Variants in BHMT observed in about 807,000 individuals in gnomAD.
The protein encoded by BHMT is betaine--homocysteine S-methyltransferase.
In BHMT, 38 loss-of-function variants were observed where a neutral mutation model predicts 49.5. That is an observed-to-expected ratio of 0.77 (90% CI 0.59 to 1.01). The LOEUF is 1.01. Ranked by LOEUF, BHMT falls within the 50% of genes least tolerant of loss-of-function variation. BHMT has a pLI of 0.00. For missense variants in BHMT, 426 were observed against 495.7 expected (o/e 0.86, Z 1.34); for synonymous variants, 166 against 176.3 (o/e 0.94, Z 0.46).
intron 5 of BHMT, 99 bp downstream of exon 5, chr5:79,121,464 T>A (rs1756471838): frequency 7.3e-7 from 1 of 1,379,020 alleles, no homozygotes; most frequent in African/African-American, 1.5e-5. Context: ...TTCGTTAACA[T>A]AAAAACCATT....
intron 1 of BHMT, among the ~76,000 whole-genome samples, chr5:79,113,230 A>C (rs35815247): frequency 3.0e-4 from 46 of 152,362 alleles, no homozygotes; most frequent in African/African-American, 1.1e-3. Context: ...AAGGAGGGTG[A>C]GAATTTCGCC....
intron 7 of BHMT, 24 bp from the exon 8 acceptor site, chr5:79,130,909 G>T: frequency 6.4e-7 from 1 of 1,569,792 alleles, no homozygotes; most frequent in Non-Finnish European, 8.6e-7. Flanking sequence ...CTGTTGTCTG[G>T]TGTCATGTGT....
chr5:79,127,643 T>G lies in BHMT; in HGVS notation c.809-112T>G, dbSNP rs527447164. ...CAAAGTTTTTTCTTAAATGTAAAAA[T>G]TGAATATTGAAAACAATTCATTTAT... On this transcript the variant is annotated intron_variant, in intron 6 of 7. Coordinates refer to ENST00000274353, the MANE Select transcript of BHMT (RefSeq NM_001713.3). The G allele has an allele frequency of 1.5e-5, 21 of 1,363,002 alleles. No homozygotes were observed. The South Asian group carries it at 3.0e-4, about 20-fold the overall frequency. The allele number at this position is 1,363,002 out of a possible 1,614,324, so 84.4% of individuals were successfully genotyped here. A position where few individuals can be genotyped will look rare whatever the true frequency, so the allele number is the denominator to read the frequency against.
chr5:79,124,555 C>G (rs1756519870), intron 5 of BHMT, among the ~76,000 whole-genome samples: 1 of 151,964 alleles, frequency 6.6e-6, no homozygotes, highest in Non-Finnish European at 1.5e-5. Flanking sequence ...AATGCCTTCT[C>G]AAATCTTCTG....
At chr5:79,128,996 A>G (rs780043971) in intron 7 of BHMT, among the ~76,000 whole-genome samples, 1 of 152,212 alleles carries the variant, frequency 6.6e-6, no homozygotes, top group Non-Finnish European at 1.5e-5. Flanking sequence ...TAACAGAAAG[A>G]TATTTTAAAA....
chr5:79,122,431 C>T (rs1248256917), intron 5 of BHMT, among the ~76,000 whole-genome samples: 1 of 152,116 alleles, frequency 6.6e-6, no homozygotes, highest in Admixed American at 6.5e-5. Flanking sequence ...GGAACAATGT[C>T]CTTTATTTCT....
intron 1 of BHMT, among the ~76,000 whole-genome samples, chr5:79,115,059 G>A (rs902254479): frequency 1.3e-5 from 2 of 152,132 alleles, no homozygotes; most frequent in Non-Finnish European, 2.9e-5. Flanking sequence ...TACAGCATGT[G>A]CACACTCATA....
chr5:79,126,561 C>T (rs1295572847), intron 6 of BHMT, among the ~76,000 whole-genome samples: 1 of 152,136 alleles, frequency 6.6e-6, no homozygotes, highest in Non-Finnish European at 1.5e-5. Context: ...AGTTCTAGTT[C>T]CAGCTCTGTT....
intron 1 of BHMT, among the ~76,000 whole-genome samples, chr5:79,115,174 G>A (rs1756367297): frequency 6.6e-6 from 1 of 151,964 alleles, no homozygotes; most frequent in Non-Finnish European, 1.5e-5. Flanking sequence ...AAATAAAATG[G>A]CTTAATAGCA....
rs1402590715 is a variant in BHMT at position 79,131,372 on chromosome 5, T to C, written c.*256T>C. The C allele has an allele frequency of 2.6e-6, 1 of 380,890 alleles. No homozygotes were observed. Among genetic ancestry groups the C allele is most frequent in the Non-Finnish European group, 4.7e-6 (1 of 212,202 alleles). The allele number at this position is 380,890 out of a possible 1,614,324, so 23.6% of individuals were successfully genotyped here. On this transcript the variant is annotated 3_prime_UTR_variant, in exon 8 of 8. Transcript: ENST00000274353. ...AGCACCCACCCTGTGAAAAGTATTA[T>C]GGAAATCACTGCTGCACAGGAAAAG...
intron 1 of BHMT, 111 bp from the exon 2 acceptor site, chr5:79,115,656 A>C (rs947784635): frequency 7.8e-7 from 1 of 1,275,172 alleles, no homozygotes; most frequent in African/African-American, 1.5e-5. Context: ...TTTCTCTGAA[A>C]ATTCTAAAAT....
At chr5:79,130,800 T>C in intron 7 of BHMT, 133 bp from the exon 8 acceptor site, 1 of 789,568 alleles carries the variant, frequency 1.3e-6, no homozygotes, top group Non-Finnish European at 1.7e-6. Context: ...TGCTTTTTAA[T>C]GTCTGATAGG....
intron 5 of BHMT, among the ~76,000 whole-genome samples, chr5:79,121,893 A>C (rs143477311): frequency 6.6e-6 from 1 of 151,976 alleles, no homozygotes; most frequent in Non-Finnish European, 1.5e-5. Context: ...TCTGTGGTTA[A>C]ATACATTTAG....
At chr5:79,120,797 A>G (rs1045808317) in intron 4 of BHMT, among the ~76,000 whole-genome samples, 6 of 152,238 alleles carry the variant, frequency 3.9e-5, no homozygotes, top group Admixed American at 6.5e-5. Context: ...CTAATGGGTC[A>G]CAATTCAAAG....
intron 2 of BHMT, chr5:79,116,328 A>G (rs1756386332): frequency 6.5e-6 from 1 of 152,852 alleles, no homozygotes; most frequent in Non-Finnish European, 1.5e-5. Context: ...TGGTTATGCT[A>G]CAGGCCCACA....
In BHMT at chr5:79,127,827, G is replaced by A; in HGVS notation, c.881G>A (p.Arg294Lys). The change falls in exon 7 of 8, where the codon AGG becomes AAG. Residue 294 changes from arginine (R) to lysine (K), a missense_variant. By Grantham distance (26) the Arg-to-Lys change is conservative. Transcript: ENST00000274353. Reference protein sequence around the residue: ...YAREAYNLGVRYIGGCCGFEP... With the variant: ...YAREAYNLGVKYIGGCCGFEP... ...AGAGAGGCCTACAACCTGGGGGTCA[G>A]GTACATTGGCGGGTGCTGTGGATTT... is the stretch of plus-strand genomic sequence containing the variant. 6.2e-7 allele frequency: 1 copy of A among 1,614,204 alleles called. No homozygotes were observed. Among genetic ancestry groups the A allele is most frequent in the Non-Finnish European group, 8.5e-7 (1 of 1,180,034 alleles).
chr5:79,121,150 C>CAAAAA (rs112263466), intron 4 of BHMT, 68 bp from the exon 5 acceptor site: 11 of 1,358,664 alleles, frequency 8.1e-6, no homozygotes, highest in Admixed American at 6.6e-5. Flanking sequence ...AACTCCGTCT[C>CAAAAA]AAAAAAAAAA....
At chr5:79,116,142 A>C (rs1283878727) in intron 2 of BHMT, 1 of 325,634 alleles carries the variant, frequency 3.1e-6, no homozygotes, top group Non-Finnish European at 5.5e-6. Context: ...CGCTTGAGCT[A>C]TTTTATGCAA....
At chr5:79,123,282 G>A (rs1756500305) in intron 5 of BHMT, among the ~76,000 whole-genome samples, 1 of 152,098 alleles carries the variant, frequency 6.6e-6, no homozygotes, top group Non-Finnish European at 1.5e-5. Context: ...AGGCCTACTT[G>A]GAACAAGAAT....
Sources: gnomAD v4.1 joint callset for allele counts (sites outside exome capture counted in the v4.1 genomes callset) on GRCh38, gnomAD v4.1.1 for gene constraint, MANE v1.5 for transcripts, NCBI Gene and HGNC (gene_info 2026-07-23, HGNC 2026-07-21) for gene names.